The following ELF1 variants were observed in gnomAD, a reference collection of about 807,000 sequenced individuals.
The protein encoded by ELF1 is E74 like ETS transcription factor 1, also known as ETS-related transcription factor Elf-1.
Under a neutral mutation model 59.9 loss-of-function variants are expected in ELF1, and 24 were observed. The ratio of observed to expected loss-of-function variants is 0.40; its 90% CI spans 0.29 to 0.56. The LOEUF is 0.56. ELF1 is among the 20% of genes least tolerant of loss of function. ELF1 has a pLI of 0.44. For synonymous variants in ELF1, 248 were observed against 266.2 expected (o/e 0.93, Z 0.67); for missense variants, 627 against 742.2 (o/e 0.84, Z 1.80).
chr13:40,966,610 G>A (rs1872190087), intron 2 of ELF1, among the ~76,000 whole-genome samples: 1 of 152,186 alleles, frequency 6.6e-6, no homozygotes, highest in Non-Finnish European at 1.5e-5. Flanking sequence ...AAGGTCCTAT[G>A]TGGATATTTC....
At chr13:41,011,733 C>T (rs966088840) in intron 1 of ELF1, among the ~76,000 whole-genome samples, 1 of 152,074 alleles carries the variant, frequency 6.6e-6, no homozygotes, top group Non-Finnish European at 1.5e-5. Flanking sequence ...CTTGAGCCAC[C>T]GTGCCTGATC....
Position 40,949,233 on chromosome 13 carries a change from A to AC in ELF1, c.529+572dup, listed in dbSNP as rs149723366. Among the ~76,000 whole-genome samples the AC allele has an allele frequency of 8.8e-3, 1,336 of 151,100 alleles. 15 individuals carry two copies. The highest frequency in any genetic ancestry group is 0.021 in the Admixed American group (314 of 15,180). On this transcript the variant is annotated intron_variant, in intron 5 of 8. Transcript: ENST00000239882. ...ACCCCTGACCTCAGGTTATCCACCC[A>AC]CCCCCACCTCCCAAAGTGCTGGGAT...
At chr13:41,047,772 C>CT (rs919138836) in intron 1 of ELF1, among the ~76,000 whole-genome samples, 20 of 152,202 alleles carry the variant, frequency 1.3e-4, no homozygotes, top group Admixed American at 1.3e-4. Context: ...ATCTCAAACT[C>CT]TGTGCTGGGA....
chr13:40,973,803 T>TA (rs1432380419), intron 2 of ELF1, among the ~76,000 whole-genome samples: 5 of 152,304 alleles, frequency 3.3e-5, no homozygotes, highest in Admixed American at 3.3e-4. Flanking sequence ...AAATGTGGTA[T>TA]ATCCATATGA....
chr13:41,040,418 T>C (rs1876558375), intron 1 of ELF1, among the ~76,000 whole-genome samples: 1 of 152,168 alleles, frequency 6.6e-6, no homozygotes, highest in African/African-American at 2.4e-5. Flanking sequence ...ATATGCATGA[T>C]CTACATTTCA....
At chr13:41,004,991 A>T (rs1377027477) in intron 1 of ELF1, among the ~76,000 whole-genome samples, 3 of 152,168 alleles carry the variant, frequency 2.0e-5, no homozygotes, top group African/African-American at 7.2e-5. Context: ...CAGCAATTGT[A>T]CATCTGTGTC....
rs1189146574 is a variant in ELF1, at chr13:40,986,935, C to CTT, written c.-228-4654_-228-4653insAA. ...TAAATATATTTTTAGAAAATCATTGCTCTTTTTTTTTTTTTTTTTTGAGTG... is the reference window on the plus strand; with the variant it reads ...TAAATATATTTTTAGAAAATCATTGCTTTCTTTTTTTTTTTTTTTTTTGAGTG... On this transcript the variant is annotated intron_variant, in intron 1 of 8. Transcript: ENST00000239882. Among the ~76,000 whole-genome samples, 7 of 10,944 alleles carry CTT rather than the reference C, an allele frequency of 6.4e-4. 1 individual carries two copies. The highest frequency in any genetic ancestry group is 1.2e-3 in the Non-Finnish European group (6 of 4,834). The allele number at this position is 10,944 out of a possible 152,430, so 7.2% of individuals were successfully genotyped here.
At chr13:40,953,613 C>G (rs1871007038) in intron 3 of ELF1, among the ~76,000 whole-genome samples, 1 of 152,224 alleles carries the variant, frequency 6.6e-6, no homozygotes, top group Admixed American at 6.5e-5. Flanking sequence ...ATTTGAGCCA[C>G]TCAGTCTGTG....
chr13:40,948,488 G>C (rs748191121), intron 5 of ELF1, among the ~76,000 whole-genome samples: 20 of 152,212 alleles, frequency 1.3e-4, no homozygotes, highest in Non-Finnish European at 2.5e-4. Context: ...GCCCTTCTGA[G>C]CTGCTGCAGT....
chr13:41,001,255 G>A (rs57141708), intron 1 of ELF1, among the ~76,000 whole-genome samples: 7,236 of 152,020 alleles, frequency 0.048, 424 homozygotes, highest in East Asian at 0.23. Context: ...GATTACAGGC[G>A]TGAGCCACTG....
At chr13:40,982,770 T>C in intron 1 of ELF1, 3 of 624,372 alleles carry the variant, frequency 4.8e-6, no homozygotes, top group Non-Finnish European at 6.0e-6. Context: ...GAAGTATTTT[T>C]AAATCTTTTA....
At chr13:41,053,560 C>A (rs1359440394) in intron 1 of ELF1, among the ~76,000 whole-genome samples, 1 of 152,068 alleles carries the variant, frequency 6.6e-6, no homozygotes, top group African/African-American at 2.4e-5. Flanking sequence ...TGCTTCAACC[C>A]ACTTCTGCTT....
intron 1 of ELF1, among the ~76,000 whole-genome samples, chr13:41,017,154 T>C (rs2138383579): frequency 6.6e-6 from 1 of 151,672 alleles, no homozygotes; most frequent in African/African-American, 2.4e-5. Context: ...TGCATCATCT[T>C]TCTGATGAAA....
intron 1 of ELF1, among the ~76,000 whole-genome samples, chr13:41,027,727 A>G (rs1469018047): frequency 6.6e-6 from 1 of 152,218 alleles, no homozygotes; most frequent in African/African-American, 2.4e-5. Context: ...ATGGCATTCT[A>G]CACAGCATTG....
At chr13:41,051,934 CTTTT>C (rs757348738) in intron 1 of ELF1, among the ~76,000 whole-genome samples, 1 of 127,244 alleles carries the variant, frequency 7.9e-6, no homozygotes, top group African/African-American at 3.0e-5. Flanking sequence ...TTCTTTTTCT[CTTTT>C]TTTTTTTTTT....
chr13:41,031,691 G>A (rs1207947869), intron 1 of ELF1, among the ~76,000 whole-genome samples: 3 of 151,364 alleles, frequency 2.0e-5, no homozygotes. Flanking sequence ...GTGTTGGTGG[G>A]CGCCTGTAAT....
At chr13:40,985,513 C>T (rs1197001611) in intron 1 of ELF1, among the ~76,000 whole-genome samples, 1 of 152,146 alleles carries the variant, frequency 6.6e-6, no homozygotes, top group African/African-American at 2.4e-5. Flanking sequence ...CCACCAAAGT[C>T]CTTTCTGCTA....
chr13:40,950,097 T>C, intron 4 of ELF1, 124 bp from the exon 5 acceptor site: 1 of 932,610 alleles, frequency 1.1e-6, no homozygotes, highest in Non-Finnish European at 1.5e-6. Flanking sequence ...TTGAAATCTA[T>C]TCCTGCGTTT....
At position 40,958,844 on chromosome 13, in the gene ELF1, G is replaced by A. The variant is rs1299994946; in HGVS notation, c.245C>T (p.Thr82Ile). The A allele has an allele frequency of 1.2e-6, 2 of 1,610,598 alleles. No individual in the cohort carries two copies. Among genetic ancestry groups the A allele is most frequent in the Admixed American group, 1.7e-5 (1 of 59,744 alleles). Residue 82 changes from threonine to isoleucine, a missense_variant, in exon 3 of 9, where the codon ACC (threonine) becomes ATC (isoleucine). Transcript: ENST00000239882. Reference protein sequence around the residue: ...EIIDDDDDDITLTVEASCHDG... With the variant: ...EIIDDDDDDIILTVEASCHDG... ...GATGGAGACACACGCACCTGTAAGG[G>A]TGATGTCATCATCATCATCGTCTAT...
Sources: allele counts gnomAD v4.1 joint callset (sites outside exome capture counted in the v4.1 genomes callset), GRCh38; gene constraint gnomAD v4.1.1; transcripts MANE v1.5; gene names NCBI Gene and HGNC (gene_info 2026-07-23, HGNC 2026-07-21).